TTC6: variants seen among roughly 807,000 people sequenced by gnomAD.
TTC6 encodes the protein tetratricopeptide repeat domain 6.
Under a neutral mutation model 210.4 loss-of-function variants are expected in TTC6, and 172 were observed. The ratio of observed to expected loss-of-function variants is 0.82; its 90% CI spans 0.72 to 0.93. The LOEUF (loss-of-function observed/expected upper bound fraction) is 0.93. Among genes scored for constraint, TTC6 ranks in the 40% least tolerant of loss-of-function variants. The pLI is 0.00. For synonymous variants in TTC6, 804 were observed against 819.6 expected, an observed-to-expected ratio of 0.98 and a Z score of 0.32; for missense variants, 2,414 against 2,318.1, an observed-to-expected ratio of 1.04 and a Z score of -0.85.
At chr14:37,616,274 C>T (rs181540836) in intron 2 of TTC6, among the ~76,000 whole-genome samples, 86 of 152,284 alleles carry the variant, frequency 5.6e-4, no homozygotes, top group African/African-American at 2.0e-3. Flanking sequence ...GTCTGGGCTC[C>T]TTTCCCTGAT....
At chr14:37,826,118 T>C in intron 27 of TTC6, 77 bp from the exon 30 acceptor site, 1 of 1,418,656 alleles carries the variant, frequency 7.0e-7, no homozygotes, top group African/African-American at 1.4e-5. Flanking sequence ...AAGGTTTTAT[T>C]TGATGGAGTC....
intron 14 of TTC6, among the ~76,000 whole-genome samples, chr14:37,767,332 G>A (rs1242125737): frequency 6.6e-6 from 1 of 152,124 alleles, no homozygotes; most frequent in East Asian, 1.9e-4. Context: ...GGATGGCTGG[G>A]TCAAATGGTA....
At chr14:37,647,681 G>T (rs565619063) in intron 1 of TTC6, among the ~76,000 whole-genome samples, 1 of 152,282 alleles carries the variant, frequency 6.6e-6, no homozygotes, top group South Asian at 2.1e-4. Context: ...CAGGTGGCAG[G>T]TTAGGGTTAG....
chr14:37,643,022 A>G (rs1023771891), intron 1 of TTC6, among the ~76,000 whole-genome samples: 5 of 152,180 alleles, frequency 3.3e-5, no homozygotes, highest in Non-Finnish European at 7.3e-5. Flanking sequence ...AAATCTCATT[A>G]TCTGGCCGGG....
rs902031839 is a variant in TTC6 at position 37,806,448 on chromosome 14, C to T, written c.4252C>T (p.His1418Tyr). 18 of 1,535,546 alleles carry T rather than the reference C, an allele frequency of 1.2e-5. No individual in the cohort carries two copies. In the African/African-American group the frequency reaches 2.3e-4, roughly 20 times the overall value. ...GCGAGGGCTTTGTAAAGTGAAACTC[C>T]ACAAGGATAGCTCGATTCTGGATTT... Residue 1418 changes from histidine to tyrosine, a missense_variant, in exon 22 of 31, where the codon CAC (histidine) becomes TAC (tyrosine). His to Tyr is a moderately conservative substitution (Grantham distance 83). Coordinates refer to ENST00000553443, the Ensembl canonical transcript of TTC6.
In TTC6 at chr14:37,694,711, TGTG is replaced by T. The variant is rs201455356; in HGVS notation, c.1258-2003_1258-2001del. On this transcript the variant is annotated intron_variant, in intron 3 of 30. Transcript: ENST00000553443. Reference sequence around the variant, plus strand: ...TCAACAGAAGAATGGATAAAGAAAATGTGGTACATACACACGATGGAATACTAT... The same window carrying T: ...TCAACAGAAGAATGGATAAAGAAAATGTACATACACACGATGGAATACTAT... 3.5e-3 allele frequency among the ~76,000 whole-genome samples: 527 copies of T among 152,116 alleles called. 4 individuals are homozygous for T. The highest frequency in any genetic ancestry group is 0.012 in the African/African-American group (508 of 41,516).
Position 37,770,431 on chromosome 14 carries a change from G to A in TTC6, c.3267-17037G>A, listed in dbSNP as rs200073755. Among the ~76,000 whole-genome samples, 77 of 151,992 alleles carry A rather than the reference G, an allele frequency of 5.1e-4. 2 individuals carry two copies. In the East Asian group the frequency reaches 0.014, roughly 28 times the overall value. On this transcript the variant is annotated intron_variant, in intron 14 of 30. Coordinates refer to ENST00000553443, the Ensembl canonical transcript of TTC6. The stretch of plus-strand genomic sequence containing the variant: ...TAAAGTCTCCCATTATTAATGTGTG[G>A]GAGTCTAAGTCTCTTTGTAGGTCAC...
chr14:37,797,445 G>A (rs2096095320), intron 20 of TTC6, among the ~76,000 whole-genome samples: 1 of 151,874 alleles, frequency 6.6e-6, no homozygotes, highest in African/African-American at 2.4e-5. Context: ...ATGTTTATCA[G>A]CCACTCATAT....
At chr14:37,786,942 AG>A (rs2096069165) in intron 14 of TTC6, among the ~76,000 whole-genome samples, 1 of 152,208 alleles carries the variant, frequency 6.6e-6, no homozygotes, top group Non-Finnish European at 1.5e-5. Context: ...TGGAGTCAGA[AG>A]TTAATGATAA....
intron 17 of TTC6, among the ~76,000 whole-genome samples, chr14:37,793,963 A>G (rs1277623001): frequency 6.6e-6 from 1 of 152,196 alleles, no homozygotes; most frequent in Non-Finnish European, 1.5e-5. Context: ...AACAATTGTA[A>G]ATAAACCCTT....
At chr14:37,747,815 A>G (rs1369618638) in intron 10 of TTC6, among the ~76,000 whole-genome samples, 1 of 152,204 alleles carries the variant, frequency 6.6e-6, no homozygotes, top group Non-Finnish European at 1.5e-5. Flanking sequence ...GGTCAGAAAT[A>G]TGAATTGAGA....
At chr14:37,705,385 C>T (rs1278553242) in intron 5 of TTC6, among the ~76,000 whole-genome samples, 1 of 151,888 alleles carries the variant, frequency 6.6e-6, no homozygotes, top group African/African-American at 2.4e-5. Context: ...CAAAAACATG[C>T]AAGAAAATGC....
At chr14:37,702,579 T>A (rs911307842) in intron 5 of TTC6, among the ~76,000 whole-genome samples, 1 of 152,174 alleles carries the variant, frequency 6.6e-6, no homozygotes, top group Admixed American at 6.6e-5. Context: ...AAAAATGTAC[T>A]GCATGTTTTA....
chr14:37,619,096 G>A (rs949508520), upstream of TTC6, among the ~76,000 whole-genome samples: 59 of 152,226 alleles, frequency 3.9e-4, 1 homozygote, highest in Non-Finnish European at 8.8e-5. Context: ...ATTTTTTAAA[G>A]TAGGGAAACT....
chr14:37,836,766 T>G (rs1338572914), intron 29 of TTC6, among the ~76,000 whole-genome samples: 1 of 152,126 alleles, frequency 6.6e-6, no homozygotes, highest in Non-Finnish European at 1.5e-5. Context: ...CCCTCTACCC[T>G]CATCCCCTTA....
intron 11 of TTC6, 35 bp downstream of exon 13, chr14:37,749,436 C>T (rs1274439967): frequency 7.3e-7 from 1 of 1,377,454 alleles, no homozygotes; most frequent in Non-Finnish European, 9.3e-7. Flanking sequence ...TAATATTCAC[C>T]ATTTACACTT....
chr14:37,763,642 G>A (rs1434662384), intron 14 of TTC6, among the ~76,000 whole-genome samples: 1 of 151,972 alleles, frequency 6.6e-6, no homozygotes, highest in Admixed American at 6.6e-5. Flanking sequence ...TTCTTCAAGG[G>A]TAGTAGCAAT....
At chr14:37,725,308 G>GTATATATA (rs1422249080) in intron 7 of TTC6, among the ~76,000 whole-genome samples, 8 of 73,396 alleles carry the variant, frequency 1.1e-4, no homozygotes, top group Non-Finnish European at 1.7e-4. Flanking sequence ...ATGTGTGTGT[G>GTATATATA]TGTGTATATA....
chr14:37,707,277 C>T (rs1320940322), intron 5 of TTC6, among the ~76,000 whole-genome samples: 1 of 151,890 alleles, frequency 6.6e-6, no homozygotes, highest in Admixed American at 6.6e-5. Flanking sequence ...ATGGAAAGCT[C>T]TTCTTATATG....
Sources: gnomAD v4.1 joint callset for allele counts (sites outside exome capture counted in the v4.1 genomes callset) on GRCh38, gnomAD v4.1.1 for gene constraint, MANE v1.5 for transcripts, NCBI Gene and HGNC (gene_info 2026-07-23, HGNC 2026-07-21) for gene names.